Variants in KCNJ9 observed in about 807,000 individuals in gnomAD.
The protein encoded by KCNJ9 is potassium inwardly rectifying channel subfamily J member 9.
A neutral mutation model predicts 27.9 loss-of-function variants in KCNJ9; 18 were observed. The observed-to-expected ratio is 0.65, with a 90% CI of 0.45 to 0.96. The LOEUF (loss-of-function observed/expected upper bound fraction) is 0.96, where lower values mean the gene tolerates loss of function less well. KCNJ9 is among the 40% of genes least tolerant of loss of function. The pLI, the probability that KCNJ9 is intolerant of heterozygous loss-of-function variation, is 0.00. For synonymous variants in KCNJ9, 229 were observed against 248.2 expected (o/e 0.92, Z 0.73); for missense variants, 324 against 557.5 (o/e 0.58, Z 4.22).
At chr1:160,086,867 C>A (rs1041836833) in intron 2 of KCNJ9, among the ~76,000 whole-genome samples, 1 of 152,156 alleles carries the variant, frequency 6.6e-6, no homozygotes, top group African/African-American at 2.4e-5. Context: ...AAGTAGAGTT[C>A]TGGAAAACCA....
Position 160,089,744 on chromosome 1 carries a change from A to C in KCNJ9, c.*1927A>C, listed in dbSNP as rs913185453. 2 of 152,324 alleles carry C rather than the reference A, an allele frequency of 1.3e-5. No homozygotes were observed. Among genetic ancestry groups the C allele is most frequent in the Non-Finnish European group, 2.9e-5 (2 of 68,142 alleles). 9.4% of individuals were successfully genotyped at this position (152,324 alleles called of 1,614,324 possible). A position where few individuals can be genotyped will look rare whatever the true frequency, so the allele number is the denominator to read the frequency against. ...TGAGAGAGGCAGAGGGGTGGAAGGG[A>C]CCTGAAGCTGGCCTGGAGAAAAGCA... On this transcript the variant is annotated 3_prime_UTR_variant, in exon 3 of 3. Transcript: ENST00000368088.
chr1:160,081,927 G>A (rs1649684288), intron 1 of KCNJ9, among the ~76,000 whole-genome samples: 1 of 152,188 alleles, frequency 6.6e-6, no homozygotes, highest in East Asian at 1.9e-4. Context: ...TAGGTTGGAG[G>A]AACTGAAATT....
intron 2 of KCNJ9, among the ~76,000 whole-genome samples, chr1:160,085,677 G>C (rs933220560): frequency 6.6e-6 from 1 of 152,236 alleles, no homozygotes; most frequent in African/African-American, 2.4e-5. Context: ...TGAAGGCTTT[G>C]GGAGCAGGTG....
In KCNJ9 at chr1:160,088,914, G is replaced by A. The variant is rs1163162034; in HGVS notation, c.*1097G>A. ...GCAGTCCCGTGGAGGGTAGGGGAGT[G>A]TGGGTGATCAGAAGGCTGGGGCCAG... On this transcript the variant is annotated 3_prime_UTR_variant, in exon 3 of 3. Transcript: ENST00000368088. 2.0e-5 allele frequency: 3 copies of A among 152,300 alleles called. No individual in the cohort carries two copies. The highest frequency in any genetic ancestry group is 6.5e-5 in the Admixed American group (1 of 15,288). The allele number at this position is 152,300 out of a possible 1,614,324, so 9.4% of individuals were successfully genotyped here. A position where few individuals can be genotyped will look rare whatever the true frequency, so the allele number is the denominator to read the frequency against.
chr1:160,087,858 C>A lies in KCNJ9; in HGVS notation c.*41C>A. On this transcript the variant is annotated 3_prime_UTR_variant, in exon 3 of 3. Transcript: ENST00000368088. ...CCCCTGTGGCAGACCGGGGGCCAGA[C>A]ACAGATACATGGGGAACTGCATATC... The A allele has an allele frequency of 7.0e-7, 1 of 1,423,340 alleles. No homozygotes were observed. The highest frequency in any genetic ancestry group is 9.2e-7 in the Non-Finnish European group (1 of 1,087,914). 88.2% of individuals were successfully genotyped at this position (1,423,340 alleles called of 1,614,324 possible). A position where few individuals can be genotyped will look rare whatever the true frequency, so the allele number is the denominator to read the frequency against.
chr1:160,084,213 G>T lies in KCNJ9; in HGVS notation c.183G>T (p.Leu61=). 1.9e-6 allele frequency: 3 copies of T among 1,612,946 alleles called. No homozygotes were observed. The highest frequency in any genetic ancestry group is 1.7e-6 in the Non-Finnish European group (2 of 1,179,658). The change falls in exon 2 of 3, where the codon CTG becomes CTT. Residue 61 remains leucine, a synonymous_variant. Transcript: ENST00000368088. ...TLVDLQWRLS[L]LFFVLAYALT... is the part of the protein sequence containing the mutation. Reference sequence around the variant, plus strand: ...TGGACCTGCAGTGGCGCCTCAGCCTGTTGTTCTTCGTCCTGGCCTACGCGC... The same window carrying T: ...TGGACCTGCAGTGGCGCCTCAGCCTTTTGTTCTTCGTCCTGGCCTACGCGC...
At position 160,089,863 on chromosome 1, in the gene KCNJ9, C is replaced by G. The variant is rs1016560909; in HGVS notation, c.*2046C>G. 3 of 152,686 alleles carry G rather than the reference C, an allele frequency of 2.0e-5. No individual in the cohort carries two copies. The highest frequency in any genetic ancestry group is 7.2e-5 in the African/African-American group (3 of 41,464). 9.5% of individuals were successfully genotyped at this position (152,686 alleles called of 1,614,324 possible). On this transcript the variant is annotated 3_prime_UTR_variant, in exon 3 of 3. Transcript: ENST00000368088. ...CTCCTCCCTTGGCCCTGGCCACATC[C>G]CACTCCTGCCCTTTCATAAGCCCCC...
rs971551504 is a variant in KCNJ9 at position 160,090,227 on chromosome 1, G to C, written c.*2410G>C. ...TCATTTGGGTTTCAGTAAAACAGGG[G>C]GGTCTGGACAAGAGCGGGTGGGCTA... On this transcript the variant is annotated 3_prime_UTR_variant, in exon 3 of 3. Transcript: ENST00000368088. 4.6e-5 allele frequency: 7 copies of C among 152,242 alleles called. No homozygotes were observed. Among genetic ancestry groups the C allele is most frequent in the African/African-American group, 1.7e-4 (7 of 41,422 alleles). 9.4% of individuals were successfully genotyped at this position (152,242 alleles called of 1,614,324 possible). A position where few individuals can be genotyped will look rare whatever the true frequency, so the allele number is the denominator to read the frequency against.
At chr1:160,084,918 A>C in intron 2 of KCNJ9, 38 bp downstream of exon 2, 17 of 708,990 alleles carry the variant, frequency 2.4e-5, no homozygotes, top group Non-Finnish European at 3.4e-5. Flanking sequence ...GGGTTGGCAG[A>C]GGGTGGGCGG....
At chr1:160,087,419 G>C in intron 2 of KCNJ9, 67 bp from the exon 3 acceptor site, 1 of 1,528,066 alleles carries the variant, frequency 6.5e-7, no homozygotes, top group Non-Finnish European at 8.8e-7. Flanking sequence ...GAGTAGGGTT[G>C]TGGAATGAGA....
chr1:160,083,695 G>A (rs1649723994), intron 1 of KCNJ9, among the ~76,000 whole-genome samples: 1 of 152,182 alleles, frequency 6.6e-6, no homozygotes, highest in Non-Finnish European at 1.5e-5. Flanking sequence ...AAATCATCGT[G>A]GAACTTGCAC....
rs1333843632 is a variant in KCNJ9 at position 160,088,964 on chromosome 1, T to C, written c.*1147T>C. 6.6e-6 allele frequency: 1 copy of C among 152,172 alleles called. No individual in the cohort carries two copies. Among genetic ancestry groups the C allele is most frequent in the East Asian group, 1.9e-4 (1 of 5,194 alleles). 9.4% of individuals were successfully genotyped at this position (152,172 alleles called of 1,614,324 possible). A position where few individuals can be genotyped will look rare whatever the true frequency, so the allele number is the denominator to read the frequency against. ...GTGTAAGGCATAGGGAATATGTAAGTCAGGAGTTAGAAATCTCCAGTGTGC... is the reference window on the plus strand; with the variant it reads ...GTGTAAGGCATAGGGAATATGTAAGCCAGGAGTTAGAAATCTCCAGTGTGC... On this transcript the variant is annotated 3_prime_UTR_variant, in exon 3 of 3. Transcript: ENST00000368088.
intron 2 of KCNJ9, among the ~76,000 whole-genome samples, chr1:160,086,925 A>G (rs2101947583): frequency 1.3e-5 from 2 of 152,352 alleles, no homozygotes; most frequent in South Asian, 4.1e-4. Flanking sequence ...AAGTCAAGAG[A>G]GAAAACATGA....
Position 160,089,619 on chromosome 1 carries a change from C to T in KCNJ9, c.*1802C>T, listed in dbSNP as rs1447347877. The T allele has an allele frequency of 2.0e-5, 3 of 152,232 alleles. No individual in the cohort carries two copies. Among genetic ancestry groups the T allele is most frequent in the African/African-American group, 7.2e-5 (3 of 41,442 alleles). 9.4% of individuals were successfully genotyped at this position (152,232 alleles called of 1,614,324 possible). On this transcript the variant is annotated 3_prime_UTR_variant, in exon 3 of 3. Transcript: ENST00000368088. ...TGTCAGCCCAATTGGGCCAGGGGGT[C>T]CCAAAGACGCATATTCTCACCCCAC...
At position 160,084,727 on chromosome 1, in the gene KCNJ9, G is replaced by A; in HGVS notation, c.697G>A (p.Asp233Asn). 1.3e-6 allele frequency: 2 copies of A among 1,586,030 alleles called. No individual in the cohort carries two copies. Among genetic ancestry groups the A allele is most frequent in the South Asian group, 2.3e-5 (2 of 87,606 alleles). Residue 233 changes from aspartate to asparagine, a missense_variant, in exon 2 of 3, where the codon GAC (aspartate) becomes AAC (asparagine). Asp to Asn is a conservative substitution (Grantham distance 23). Around this residue, in one of 3 missense-constraint regions of KCNJ9, gnomAD observed 241 missense variants for 481.7 expected, o/e 0.50. Transcript: ENST00000368088. ...CCAGACCGACCTCAGCGTGGGCTTC[G>A]ACACGGGAGACGACCGCCTCTTCCT... ...LHQTDLSVGF[D>N]TGDDRLFLVS...
chr1:160,084,089 G>T lies in KCNJ9; in HGVS notation c.59G>T (p.Gly20Val). The change falls in exon 2 of 3, where the codon GGC becomes GTC. Residue 20 changes from glycine to valine, a missense_variant. Gly to Val is a moderately radical substitution (Grantham distance 109). This residue lies in a region of KCNJ9 where 32 missense variants were observed against 31.7 expected (regional missense o/e 1.01). Coordinates refer to ENST00000368088, the MANE Select transcript of KCNJ9 (RefSeq NM_004983.3). Reference sequence around the variant, plus strand: ...CAGGAGGAGCCGCCGCGGCGCCGCGGCCGCCAGCGCTACGTGGAGAAGGAT... The same window carrying T: ...CAGGAGGAGCCGCCGCGGCGCCGCGTCCGCCAGCGCTACGTGGAGAAGGAT... ...PGQEEPPRRR[G>V]RQRYVEKDGR... The T allele has an allele frequency of 6.5e-7, 1 of 1,540,000 alleles. No individual in the cohort carries two copies.
At position 160,089,817 on chromosome 1, in the gene KCNJ9, C is replaced by A. The variant is rs1649862103; in HGVS notation, c.*2000C>A. 6.6e-6 allele frequency: 1 copy of A among 152,504 alleles called. No individual in the cohort carries two copies. The highest frequency in any genetic ancestry group is 1.5e-5 in the Non-Finnish European group (1 of 68,238). The allele number at this position is 152,504 out of a possible 1,614,324, so 9.4% of individuals were successfully genotyped here. A position where few individuals can be genotyped will look rare whatever the true frequency, so the allele number is the denominator to read the frequency against. Reference sequence around the variant, plus strand: ...GGGACAGCGCCTGTCTCCCACACAGCAGCACTGGCCCAGCAAGGACCTCCT... The same window carrying A: ...GGGACAGCGCCTGTCTCCCACACAGAAGCACTGGCCCAGCAAGGACCTCCT... On this transcript the variant is annotated 3_prime_UTR_variant, in exon 3 of 3. Transcript: ENST00000368088.
intron 2 of KCNJ9, among the ~76,000 whole-genome samples, chr1:160,087,139 C>G (rs1483135244): frequency 1.3e-5 from 2 of 152,106 alleles, no homozygotes; most frequent in Admixed American, 1.3e-4. Context: ...AAGCTAGATG[C>G]CCATTGTTAG....
At position 160,089,710 on chromosome 1, in the gene KCNJ9, A is replaced by G. The variant is rs995447827; in HGVS notation, c.*1893A>G. On this transcript the variant is annotated 3_prime_UTR_variant, in exon 3 of 3. Coordinates refer to ENST00000368088, the MANE Select transcript of KCNJ9 (RefSeq NM_004983.3). The stretch of plus-strand genomic sequence containing the variant: ...GCTTCCTGGATAGTGAGGGAGAACA[A>G]CTGCAAGTTGAGAGAGGCAGAGGGG... The G allele has an allele frequency of 6.6e-6, 1 of 152,316 alleles. No homozygotes were observed. Among genetic ancestry groups the G allele is most frequent in the Non-Finnish European group, 1.5e-5 (1 of 68,134 alleles). 9.4% of individuals were successfully genotyped at this position (152,316 alleles called of 1,614,324 possible).
Sources: gnomAD v4.1 joint callset for allele counts (sites outside exome capture counted in the v4.1 genomes callset) on GRCh38, gnomAD v4.1.1 for gene constraint, gnomAD v4.1.1 regional missense constraint, MANE v1.5 for transcripts, NCBI Gene and HGNC (gene_info 2026-07-23, HGNC 2026-07-21) for gene names.